Variants in KCNAB2 observed in about 807,000 individuals in gnomAD.
The protein encoded by KCNAB2 is potassium voltage-gated channel subfamily A regulatory beta subunit 2, also known as voltage-gated potassium channel subunit beta-2.
KCNAB2 carries 29 observed loss-of-function variants against 63.6 expected under a neutral mutation model. The observed-to-expected ratio is 0.46, with a 90% CI of 0.34 to 0.62. The LOEUF is 0.62. Among genes scored for constraint, KCNAB2 ranks in the 20% least tolerant of loss-of-function variants. The pLI is 0.01. For missense variants in KCNAB2, 359 were observed against 563.9 expected, an observed-to-expected ratio of 0.64 and a Z score of 3.68; for synonymous variants, 222 against 224.2, an observed-to-expected ratio of 0.99 and a Z score of 0.09.
At chr1:6,046,282 G>A in intron 1 of KCNAB2, 99 bp downstream of exon 1, 5 of 874,514 alleles carry the variant, frequency 5.7e-6, no homozygotes, top group Non-Finnish European at 6.9e-6. Context: ...ATATTTTGGG[G>A]TGGTTTTGTC....
intron 3 of KCNAB2, 102 bp downstream of exon 3, chr1:6,072,900 C>A: frequency 1.8e-6 from 2 of 1,096,894 alleles, no homozygotes; most frequent in Non-Finnish European, 2.7e-6. Context: ...TGGCCCAAAC[C>A]TTGGCACTCC....
intron 1 of KCNAB2, among the ~76,000 whole-genome samples, chr1:6,023,939 A>ATT (rs5772216): frequency 7.1e-6 from 1 of 141,484 alleles, no homozygotes; most frequent in Non-Finnish European, 1.5e-5. Context: ...TGAATGACTA[A>ATT]TTTTTTTTTT....
intron 1 of KCNAB2, among the ~76,000 whole-genome samples, chr1:6,026,896 C>A (rs904137163): frequency 6.6e-6 from 1 of 152,198 alleles, no homozygotes; most frequent in Non-Finnish European, 1.5e-5. Flanking sequence ...AGGCCCTGGC[C>A]TGGGGATTCC....
chr1:6,057,548 C>T (rs371683779), intron 2 of KCNAB2, among the ~76,000 whole-genome samples: 1 of 152,150 alleles, frequency 6.6e-6, no homozygotes, highest in East Asian at 1.9e-4. Flanking sequence ...CCCCAAGGAA[C>T]GGGGTCCATC....
chr1:6,088,885 C>T (rs1664935159), intron 7 of KCNAB2, 123 bp from the exon 8 acceptor site: 8 of 916,184 alleles, frequency 8.7e-6, no homozygotes, highest in Non-Finnish European at 1.0e-5. Flanking sequence ...AAGTGGAATC[C>T]GACTCCACAC....
rs907089071 is a variant in KCNAB2 at position 6,069,015 on chromosome 1, C to T, written c.219-3740C>T. Among the ~76,000 whole-genome samples the T allele has an allele frequency of 1.3e-5, 2 of 152,140 alleles. No homozygotes were observed. Among genetic ancestry groups the T allele is most frequent in the Non-Finnish European group, 1.5e-5 (1 of 68,030 alleles). Reference sequence around the variant, plus strand: ...TGGTCCCGAGAGTCTGACCCCAGGGCCTGGGCTTCTCACCCCTGAATTACT... The same window carrying T: ...TGGTCCCGAGAGTCTGACCCCAGGGTCTGGGCTTCTCACCCCTGAATTACT... On this transcript the variant is annotated intron_variant, in intron 2 of 15. Coordinates refer to ENST00000378083, the MANE Select transcript of KCNAB2 (RefSeq NM_001199862.2). This position sits in a 1 kb window ranked among gnomAD's most constrained non-coding sequence, Gnocchi z 5.4.
At chr1:6,080,589 T>C (rs1368450673) in intron 4 of KCNAB2, among the ~76,000 whole-genome samples, 2 of 152,194 alleles carry the variant, frequency 1.3e-5, no homozygotes, top group African/African-American at 4.8e-5. Context: ...AGCTGTGCTG[T>C]ATTTCAGTGT....
At chr1:5,997,122 G>C (rs903022855) in intron 1 of KCNAB2, among the ~76,000 whole-genome samples, 2 of 152,202 alleles carry the variant, frequency 1.3e-5, no homozygotes, top group Admixed American at 1.3e-4. Context: ...CTGGATAACT[G>C]TCAGTTCCCC....
chr1:6,026,538 C>T (rs1570889786), intron 1 of KCNAB2: 2 of 152,362 alleles, frequency 1.3e-5, no homozygotes, highest in Admixed American at 6.5e-5. Flanking sequence ...GCTTAGGTCC[C>T]CCGTAATGTC....
In KCNAB2 at chr1:6,047,516, T is replaced by TC. The variant is rs892612539; in HGVS notation, c.-27+1340dup. On this transcript the variant is annotated intron_variant, in intron 1 of 15. Transcript: ENST00000378083. ...GCTGTACAGAGTCCTGGCATGGGAGTCCCCCCCACACAAGAGAGGGTGACC... is the reference window on the plus strand; with the variant it reads ...GCTGTACAGAGTCCTGGCATGGGAGTCCCCCCCCACACAAGAGAGGGTGACC... Among the ~76,000 whole-genome samples the TC allele has an allele frequency of 3.4e-4, 51 of 150,386 alleles. No individual in the cohort carries two copies. In the East Asian group the frequency reaches 4.3e-3, roughly 13 times the overall value.
intron 1 of KCNAB2, among the ~76,000 whole-genome samples, chr1:6,004,311 T>G (rs1657432359): frequency 1.3e-5 from 2 of 152,004 alleles, no homozygotes; most frequent in South Asian, 4.2e-4. Context: ...TCCTCCCGCC[T>G]TGGCCTCCCA....
At position 6,072,183 on chromosome 1, in the gene KCNAB2, G is replaced by A. The variant is rs147495807; in HGVS notation, c.219-572G>A. ...GAGGCCTACGCTGCCAGGCTCTGCC[G>A]CTGCTGTTGGGCCTGGCTGTGGCTG... On this transcript the variant is annotated intron_variant, in intron 2 of 15. Coordinates refer to ENST00000378083, the MANE Select transcript of KCNAB2 (RefSeq NM_001199862.2). Among the ~76,000 whole-genome samples the A allele has an allele frequency of 3.6e-4, 55 of 152,320 alleles. No individual in the cohort carries two copies. The East Asian group carries it at 9.3e-3, about 26-fold the overall frequency.
In KCNAB2 at chr1:6,086,124, C is replaced by T. The variant is rs529841087; in HGVS notation, c.425+876C>T. ...CTCAAGGTGCTGACAAGCCCCGGGG[C>T]CCTGTTCCTTAATAAATGCGTCTTT... is the stretch of plus-strand genomic sequence containing the variant. On this transcript the variant is annotated intron_variant, in intron 6 of 15. Coordinates refer to ENST00000378083, the MANE Select transcript of KCNAB2 (RefSeq NM_001199862.2). The surrounding 1 kb of genome is among the most constrained non-coding windows in gnomAD (Gnocchi z 4.2). The T allele has an allele frequency of 2.0e-6, 2 of 985,396 alleles. No homozygotes were observed. Among genetic ancestry groups the T allele is most frequent in the South Asian group, 4.7e-5 (1 of 21,282 alleles). The allele number at this position is 985,396 out of a possible 1,614,324, so 61.0% of individuals were successfully genotyped here.
rs781230204 is a variant in KCNAB2, at chr1:6,091,255, A to G, written c.602-8A>G. On this transcript the variant is annotated splice_polypyrimidine_tract_variant and splice_region_variant and intron_variant, in intron 9 of 15. Coordinates refer to ENST00000378083, the MANE Select transcript of KCNAB2 (RefSeq NM_001199862.2). ...TCTGGTCTCTTTAAATCTTTCTTCT[A>G]TCACCAGGGGACCCATTTAGTTCCT... 1.6e-5 allele frequency: 25 copies of G among 1,530,806 alleles called. No individual in the cohort carries two copies. The East Asian group carries it at 5.1e-4, about 31-fold the overall frequency. 94.8% of individuals were successfully genotyped at this position (1,530,806 alleles called of 1,614,324 possible).
At chr1:6,004,594 C>G (rs1171621549) in intron 1 of KCNAB2, among the ~76,000 whole-genome samples, 1 of 149,128 alleles carries the variant, frequency 6.7e-6, no homozygotes, top group Non-Finnish European at 1.5e-5. Flanking sequence ...CGAGATTCTG[C>G]CCCCATCGCC....
chr1:6,056,042 A>G (rs763045108), intron 2 of KCNAB2, among the ~76,000 whole-genome samples: 31 of 140,632 alleles, frequency 2.2e-4, no homozygotes, highest in Non-Finnish European at 9.2e-5. Context: ...CATGCCTGTT[A>G]CACTTCCCCA....
intron 1 of KCNAB2, among the ~76,000 whole-genome samples, chr1:6,023,236 T>C (rs1658949089): frequency 6.6e-6 from 1 of 152,208 alleles, no homozygotes; most frequent in African/African-American, 2.4e-5. Flanking sequence ...GTTTTAGCTA[T>C]TGCAAATCAT....
At chr1:6,044,462 A>T (rs1244548027), upstream of KCNAB2, among the ~76,000 whole-genome samples, 1 of 152,218 alleles carries the variant, frequency 6.6e-6, no homozygotes, top group Non-Finnish European at 1.5e-5. Context: ...AGCATATTCC[A>T]GTAGATACAA....
In KCNAB2 at chr1:6,099,008, G is replaced by T; in HGVS notation, c.*434G>T. ...TGCTGAGAATCCCCACTTGGTGTAG[G>T]GGGAGAGGGGAAAGGGGTCTGGCCC... On this transcript the variant is annotated 3_prime_UTR_variant, in exon 16 of 16. Transcript: ENST00000378083. 6.3e-6 allele frequency: 1 copy of T among 159,930 alleles called. No individual in the cohort carries two copies. Among genetic ancestry groups the T allele is most frequent in the East Asian group, 1.8e-4 (1 of 5,406 alleles). The allele number at this position is 159,930 out of a possible 1,614,324, so 9.9% of individuals were successfully genotyped here.
Sources: gnomAD v4.1 joint callset for allele counts (sites outside exome capture counted in the v4.1 genomes callset) on GRCh38, gnomAD v4.1.1 for gene constraint, Gnocchi (gnomAD v3.1) non-coding constraint, MANE v1.5 for transcripts, NCBI Gene and HGNC (gene_info 2026-07-23, HGNC 2026-07-21) for gene names.